EPHA3: variants seen among roughly 807,000 people sequenced by gnomAD.
The protein encoded by EPHA3 is EPH receptor A3, also known as ephrin type-A receptor 3.
In EPHA3, 42 loss-of-function variants were observed where a neutral mutation model predicts 107.1. The ratio of observed to expected loss-of-function variants is 0.39; its 90% CI spans 0.31 to 0.51. The LOEUF (loss-of-function observed/expected upper bound fraction) is 0.51, where lower values mean the gene tolerates loss of function less well. Ranked by LOEUF, EPHA3 falls within the 20% of genes least tolerant of loss-of-function variation. The pLI is 0.78. For missense variants in EPHA3, 1,183 were observed against 1,211.2 expected, an observed-to-expected ratio of 0.98 and a Z score of 0.35; for synonymous variants, 461 against 424.8, an observed-to-expected ratio of 1.09 and a Z score of -1.05.
chr3:89,352,161 C>T (rs940862469), intron 5 of EPHA3, among the ~76,000 whole-genome samples: 2 of 151,132 alleles, frequency 1.3e-5, no homozygotes, highest in Non-Finnish European at 3.0e-5. Flanking sequence ...TGAAGGAATT[C>T]CTATCCTCTG....
chr3:89,302,333 T>C (rs536441684), intron 3 of EPHA3, among the ~76,000 whole-genome samples: 1 of 152,236 alleles, frequency 6.6e-6, no homozygotes, highest in East Asian at 1.9e-4. Context: ...ATTCATAACC[T>C]TTTTTTGTGT....
At chr3:89,196,398 G>A (rs1451326052) in intron 2 of EPHA3, among the ~76,000 whole-genome samples, 1 of 152,126 alleles carries the variant, frequency 6.6e-6, no homozygotes, top group South Asian at 2.1e-4. Context: ...CTCTCCCACT[G>A]GTATGGAAGC....
At chr3:89,145,610 A>G (rs1272236787) in intron 2 of EPHA3, among the ~76,000 whole-genome samples, 2 of 151,816 alleles carry the variant, frequency 1.3e-5, no homozygotes, top group East Asian at 1.9e-4. Context: ...GATTTAAATG[A>G]GTCAAATTTT....
chr3:89,419,583 G>T (rs954606521), intron 11 of EPHA3, among the ~76,000 whole-genome samples, 193 bp downstream of exon 11: 10 of 151,298 alleles, frequency 6.6e-5, no homozygotes, highest in African/African-American at 1.9e-4. Context: ...TGACAGTACT[G>T]TTTTAGACCT....
At chr3:89,315,232 T>C (rs761923351) in intron 3 of EPHA3, among the ~76,000 whole-genome samples, 6 of 151,886 alleles carry the variant, frequency 4.0e-5, no homozygotes, top group Non-Finnish European at 5.9e-5. Context: ...TGTGTGTGAA[T>C]GTGTGTATGC....
chr3:89,428,392 T>C (rs187625018), intron 11 of EPHA3, among the ~76,000 whole-genome samples: 56 of 152,218 alleles, frequency 3.7e-4, no homozygotes, highest in African/African-American at 1.1e-3. Context: ...AAGTACTATT[T>C]AAATACATTA....
intron 3 of EPHA3, among the ~76,000 whole-genome samples, chr3:89,316,772 TAA>T (rs1294406520): frequency 6.6e-6 from 1 of 151,468 alleles, no homozygotes; most frequent in Non-Finnish European, 1.5e-5. Context: ...TAGGCATTGT[TAA>T]GATTTGCACG....
intron 3 of EPHA3, among the ~76,000 whole-genome samples, chr3:89,238,521 ATTC>A (rs1311373361): frequency 1.3e-5 from 2 of 152,226 alleles, no homozygotes; most frequent in East Asian, 3.8e-4. Context: ...TGAAGAAACT[ATTC>A]TTCTTTAACC....
intron 2 of EPHA3, among the ~76,000 whole-genome samples, chr3:89,161,828 C>T (rs1704949946): frequency 6.6e-6 from 1 of 151,620 alleles, no homozygotes. Flanking sequence ...AGATATAAAA[C>T]ATTAGCTGGA....
intron 2 of EPHA3, among the ~76,000 whole-genome samples, chr3:89,133,424 T>A (rs1048421038): frequency 3.3e-5 from 5 of 152,186 alleles, no homozygotes; most frequent in Non-Finnish European, 7.4e-5. Context: ...AATCATCACA[T>A]TTTTGTCAAC....
chr3:89,335,848 C>T (rs1355108711), intron 3 of EPHA3, among the ~76,000 whole-genome samples: 2 of 152,110 alleles, frequency 1.3e-5, no homozygotes, highest in Non-Finnish European at 2.9e-5. Context: ...AATTTTTCCA[C>T]GTGTTTGACT....
intron 5 of EPHA3, among the ~76,000 whole-genome samples, chr3:89,348,485 G>A (rs1283413120): frequency 1.7e-5 from 2 of 120,754 alleles, no homozygotes; most frequent in Non-Finnish European, 3.4e-5. Flanking sequence ...TTTTTATTGT[G>A]TCTATTTGAT....
At chr3:89,408,722 T>G (rs1020148351) in intron 9 of EPHA3, among the ~76,000 whole-genome samples, 5 of 152,090 alleles carry the variant, frequency 3.3e-5, no homozygotes, top group African/African-American at 1.2e-4. Context: ...CAAAAAGACT[T>G]TTTTTCTTTT....
intron 7 of EPHA3, among the ~76,000 whole-genome samples, chr3:89,404,592 G>A (rs1709020977): frequency 6.6e-6 from 1 of 152,100 alleles, no homozygotes; most frequent in Non-Finnish European, 1.5e-5. Context: ...TAAATTATTA[G>A]ACACCTATGT....
chr3:89,287,857 A>G (rs1258084228), intron 3 of EPHA3, among the ~76,000 whole-genome samples: 4 of 152,094 alleles, frequency 2.6e-5, no homozygotes, highest in African/African-American at 9.7e-5. Flanking sequence ...CTCCCGTGGT[A>G]TGACATTGAC....
chr3:89,469,678 A>T (rs1305115348), intron 15 of EPHA3, among the ~76,000 whole-genome samples: 2 of 152,172 alleles, frequency 1.3e-5, no homozygotes, highest in Non-Finnish European at 2.9e-5. Flanking sequence ...CTTTTACCAC[A>T]TATCCTAGAT....
intron 2 of EPHA3, among the ~76,000 whole-genome samples, chr3:89,157,382 C>T (rs1704830539): frequency 6.6e-6 from 1 of 152,032 alleles, no homozygotes; most frequent in African/African-American, 2.4e-5. Flanking sequence ...GGCACCCCTT[C>T]TCATACTTCA....
intron 15 of EPHA3, among the ~76,000 whole-genome samples, chr3:89,459,683 T>C (rs1244604672): frequency 6.6e-6 from 1 of 152,104 alleles, no homozygotes; most frequent in Non-Finnish European, 1.5e-5. Context: ...CCACCATGCC[T>C]GACTAATGTT....
intron 3 of EPHA3, among the ~76,000 whole-genome samples, chr3:89,248,087 T>C (rs957552484): frequency 2.0e-5 from 3 of 152,208 alleles, no homozygotes; most frequent in African/African-American, 7.2e-5. Flanking sequence ...CACCTTACTA[T>C]TTATCTCATT....
Sources: gnomAD v4.1 joint callset for allele counts (sites outside exome capture counted in the v4.1 genomes callset) on GRCh38, gnomAD v4.1.1 for gene constraint, MANE v1.5 for transcripts, NCBI Gene and HGNC (gene_info 2026-07-23, HGNC 2026-07-21) for gene names.